Variants in EPG5 observed in about 807,000 individuals in gnomAD.
EPG5 encodes the protein ectopic P granules protein 5 homolog.
EPG5 carries 159 observed loss-of-function variants against 302.7 expected under a neutral mutation model. The observed-to-expected ratio is 0.53, with a 90% CI of 0.46 to 0.60. The LOEUF (loss-of-function observed/expected upper bound fraction) is 0.60, where lower values mean the gene tolerates loss of function less well. EPG5 is among the 20% of genes least tolerant of loss of function. The pLI is 0.00. For synonymous variants in EPG5, 1,158 were observed against 1,136.8 expected (o/e 1.02, Z -0.37); for missense variants, 2,896 against 3,092.4 (o/e 0.94, Z 1.51).
At chr18:45,893,104 G>T (rs1223151218) in intron 27 of EPG5, among the ~76,000 whole-genome samples, 2 of 152,162 alleles carry the variant, frequency 1.3e-5, no homozygotes, top group Non-Finnish European at 2.9e-5. Flanking sequence ...AGCTGAAACA[G>T]CTGAAGCAAA....
At chr18:45,952,080 T>A (rs2050921554) in intron 3 of EPG5, among the ~76,000 whole-genome samples, 1 of 152,228 alleles carries the variant, frequency 6.6e-6, no homozygotes, top group African/African-American at 2.4e-5. Flanking sequence ...ATTACTTTTA[T>A]AATCAAAAAC....
At chr18:45,814,307 T>A in the EPG5 span, among the ~76,000 whole-genome samples, 2 of 152,306 alleles carry the variant, frequency 1.3e-5, no homozygotes, top group Admixed American at 6.5e-5. Context: ...GACAACTAGC[T>A]TGTACTCTTC....
chr18:45,824,108 T>C, the EPG5 span, among the ~76,000 whole-genome samples: 1 of 151,758 alleles, frequency 6.6e-6, no homozygotes, highest in Non-Finnish European at 1.5e-5. Context: ...GAACTGTGGT[T>C]GGGTGGGGGC....
chr18:45,967,222 C>T lies in EPG5; in HGVS notation c.18G>A (p.Lys6=), dbSNP rs181345590. Residue 6 remains lysine, a synonymous_variant, in exon 1 of 44, where the codon AAG becomes AAA. Coordinates refer to ENST00000282041, the MANE Select transcript of EPG5 (RefSeq NM_020964.3). ...CCTTGGCCTTGGCCCGGCGCTGGGG[C>T]TTCACCGCCTCGGCCATAGACCCTT... MAEAV[K]PQRRAKAKAS... 941 of 1,604,582 alleles carry T rather than the reference C, an allele frequency of 5.9e-4. 5 individuals are homozygous for T. In the African/African-American group the frequency reaches 0.011, roughly 20 times the overall value.
intron 36 of EPG5, 110 bp downstream of exon 36, chr18:45,870,457 C>A: frequency 1.2e-6 from 1 of 860,206 alleles, no homozygotes; most frequent in Non-Finnish European, 1.7e-6. Flanking sequence ...AGAATGTATT[C>A]ATGGTCCACG....
At chr18:45,855,415 A>G (rs577277021) in intron 43 of EPG5, 158 bp downstream of exon 43, 7 of 568,256 alleles carry the variant, frequency 1.2e-5, no homozygotes, top group Non-Finnish European at 2.2e-5. Context: ...AGGTTGGCAC[A>G]TGAAACCATT....
chr18:45,942,369 G>C (rs1223768904), intron 9 of EPG5, among the ~76,000 whole-genome samples: 1 of 152,160 alleles, frequency 6.6e-6, no homozygotes, highest in South Asian at 2.1e-4. Context: ...TTGGGAAGCC[G>C]AGGCAGATGG....
chr18:45,897,003 T>C (rs1363048261), intron 27 of EPG5, among the ~76,000 whole-genome samples: 1 of 152,258 alleles, frequency 6.6e-6, no homozygotes, highest in Non-Finnish European at 1.5e-5. Context: ...GTGTTTCTTT[T>C]TATTTCAGAA....
intron 10 of EPG5, among the ~76,000 whole-genome samples, chr18:45,936,795 A>C (rs1029051885): frequency 7.3e-5 from 11 of 151,704 alleles, no homozygotes; most frequent in Non-Finnish European, 1.0e-4. Context: ...AAAAAAAAAA[A>C]AACTTAAAAA....
intron 6 of EPG5, 136 bp from the exon 7 acceptor site, chr18:45,946,904 G>A: frequency 1.5e-6 from 1 of 675,688 alleles, no homozygotes; most frequent in Non-Finnish European, 2.5e-6. Context: ...ATAAGAACTG[G>A]CCAAAAACCA....
In EPG5 at chr18:45,847,936, A is replaced by C. The variant is rs1283004921; in HGVS notation, c.*4531T>G. The C allele has an allele frequency of 1.3e-5, 2 of 152,634 alleles. No individual in the cohort carries two copies. The highest frequency in any genetic ancestry group is 2.9e-5 in the Non-Finnish European group (2 of 68,042). The allele number at this position is 152,634 out of a possible 1,614,324, so 9.5% of individuals were successfully genotyped here. A position where few individuals can be genotyped will look rare whatever the true frequency, so the allele number is the denominator to read the frequency against. On this transcript the variant is annotated 3_prime_UTR_variant, in exon 44 of 44. Transcript: ENST00000282041. The stretch of plus-strand genomic sequence containing the variant: ...TGTACATTAAAAAATAAAAGTTATA[A>C]TCAACAACATTCCTTCGCAATTTCA...
chr18:45,837,920 C>A, the EPG5 span: 2 of 1,467,142 alleles, frequency 1.4e-6, no homozygotes, highest in East Asian at 2.9e-5. Context: ...GGAGCGGGTC[C>A]CCGGCCTCCC....
At chr18:45,926,517 T>A (rs1359870741) in intron 13 of EPG5, among the ~76,000 whole-genome samples, 1 of 152,096 alleles carries the variant, frequency 6.6e-6, no homozygotes, top group African/African-American at 2.4e-5. Context: ...AAATAACACA[T>A]CCAAGTGTGC....
At chr18:45,811,068 G>A in the EPG5 span, among the ~76,000 whole-genome samples, 1 of 152,086 alleles carries the variant, frequency 6.6e-6, no homozygotes, top group Non-Finnish European at 1.5e-5. Context: ...ATACTGAATG[G>A]GAAAAAGTTG....
At chr18:45,805,017 T>C in the EPG5 span, among the ~76,000 whole-genome samples, 1 of 152,088 alleles carries the variant, frequency 6.6e-6, no homozygotes. Flanking sequence ...TAAACTCAAA[T>C]CAGATTATAA....
chr18:45,817,717 A>G, the EPG5 span, among the ~76,000 whole-genome samples: 1 of 152,240 alleles, frequency 6.6e-6, no homozygotes, highest in Non-Finnish European at 1.5e-5. Context: ...AGTCCTCATG[A>G]CATGTCAGCT....
chr18:45,838,864 C>T, the EPG5 span: 1 of 1,583,548 alleles, frequency 6.3e-7, no homozygotes. Context: ...GCGGAGCCCG[C>T]GTGAGGGTCA....
chr18:45,928,778 A>G, intron 13 of EPG5, 91 bp downstream of exon 13: 1 of 1,276,166 alleles, frequency 7.8e-7, no homozygotes, highest in Non-Finnish European at 1.1e-6. Context: ...CCCTAGTGAC[A>G]AGATCATTCC....
chr18:45,952,374 G>C, intron 3 of EPG5, 26 bp downstream of exon 3: 1 of 1,609,234 alleles, frequency 6.2e-7, no homozygotes, highest in Non-Finnish European at 8.5e-7. Flanking sequence ...CAAAACACAA[G>C]AAAGAGAGCT....
Sources: allele counts gnomAD v4.1 joint callset (sites outside exome capture counted in the v4.1 genomes callset), GRCh38; gene constraint gnomAD v4.1.1; transcripts MANE v1.5; gene names NCBI Gene and HGNC (gene_info 2026-07-23, HGNC 2026-07-21).